The following NUP210 variants were observed in gnomAD, a reference collection of about 807,000 sequenced individuals.
The protein encoded by NUP210 is nucleoporin 210.
Under a neutral mutation model 196.0 loss-of-function variants are expected in NUP210, and 151 were observed. The ratio of observed to expected loss-of-function variants is 0.77; its 90% CI spans 0.67 to 0.88. NUP210 has a LOEUF of 0.88. Ranked by LOEUF, NUP210 falls within the 40% of genes least tolerant of loss-of-function variation. The probability of loss-of-function intolerance (pLI) is 0.00; values close to 1 mark genes in which losing one functional copy is unlikely to be tolerated. For synonymous variants in NUP210, 1,070 were observed against 1,052.7 expected (o/e 1.02, Z -0.32); for missense variants, 2,314 against 2,493.7 (o/e 0.93, Z 1.53).
chr3:13,415,034 T>C (rs1453858046), intron 1 of NUP210, among the ~76,000 whole-genome samples: 3 of 151,924 alleles, frequency 2.0e-5, no homozygotes, highest in Non-Finnish European at 4.4e-5. Context: ...TCAAGAGATC[T>C]AGACCATCCT....
At chr3:13,365,433 G>A (rs529281626) in intron 14 of NUP210, among the ~76,000 whole-genome samples, 28 of 152,326 alleles carry the variant, frequency 1.8e-4, no homozygotes, top group African/African-American at 5.5e-4. Context: ...CTCCGCACAG[G>A]CCGTGGCCAC....
rs773994136 is a variant in NUP210 at position 13,323,480 on chromosome 3, GT to G, written c.4645-49del. 1 of 1,607,128 alleles carries G rather than the reference GT, an allele frequency of 6.2e-7. No individual in the cohort carries two copies. The highest frequency in any genetic ancestry group is 1.1e-5 in the South Asian group (1 of 90,714). ...TTCATGGAGCGCCGCCTGTGTCCCG[GT>G]CCATGCTGGGCGTTTCCACAACCTC... is the stretch of plus-strand genomic sequence containing the variant. On this transcript the variant is annotated intron_variant, in intron 33 of 39. Coordinates refer to ENST00000254508, the MANE Select transcript of NUP210 (RefSeq NM_024923.4). This position sits in a 1 kb window ranked among gnomAD's most constrained non-coding sequence, Gnocchi z 4.3.
chr3:13,418,024 T>C (rs957763070), intron 1 of NUP210, among the ~76,000 whole-genome samples: 2 of 152,164 alleles, frequency 1.3e-5, no homozygotes, highest in Admixed American at 1.3e-4. Context: ...AAGCCAGCTG[T>C]TTTTAATAAC....
At chr3:13,329,679 G>A (rs1162026799) in intron 30 of NUP210, among the ~76,000 whole-genome samples, 2 of 152,242 alleles carry the variant, frequency 1.3e-5, no homozygotes, top group Non-Finnish European at 2.9e-5. Flanking sequence ...GACCCAGGCA[G>A]AGTCTAAAGA....
chr3:13,397,389 A>G lies in NUP210; in HGVS notation c.404T>C (p.Leu135Pro), dbSNP rs752095726. ...GTCCAGGGCCTGGATCTTCAGCTCC[A>G]GGGGGGAGTCCTCCAGGTAGAGCTC... ...TRELYLEDSP[L>P]ELKIQALDSE... Residue 135 changes from leucine to proline, a missense_variant, in exon 3 of 40, where the codon CTG (leucine) becomes CCG (proline). Transcript: ENST00000254508. 3 of 1,611,994 alleles carry G rather than the reference A, an allele frequency of 1.9e-6. No homozygotes were observed. The highest frequency in any genetic ancestry group is 2.2e-5 in the South Asian group (2 of 90,840).
intron 1 of NUP210, among the ~76,000 whole-genome samples, chr3:13,408,527 T>C (rs575506536): frequency 7.2e-5 from 11 of 152,332 alleles, no homozygotes; most frequent in Non-Finnish European, 1.0e-4. Flanking sequence ...CCATGGCTCA[T>C]GCCTATAATC....
intron 8 of NUP210, among the ~76,000 whole-genome samples, chr3:13,378,503 T>A (rs1018307462): frequency 6.6e-6 from 1 of 152,220 alleles, no homozygotes; most frequent in Non-Finnish European, 1.5e-5. Context: ...AATATCATCA[T>A]CATGTTCCTC....
At chr3:13,403,341 C>T (rs1188372462) in intron 1 of NUP210, among the ~76,000 whole-genome samples, 10 of 152,200 alleles carry the variant, frequency 6.6e-5, no homozygotes, top group Non-Finnish European at 1.5e-4. Context: ...CTGCTGTCTT[C>T]CCACTGTTGT....
chr3:13,391,285 A>T lies in NUP210; in HGVS notation c.459T>A (p.Ala153=). The T allele has an allele frequency of 1.2e-6, 2 of 1,611,442 alleles. No individual in the cohort carries two copies. The highest frequency in any genetic ancestry group is 1.7e-6 in the Non-Finnish European group (2 of 1,178,800). ...CAATCGTCCACTCGAAGACCAGTCCAGCCAGAGTGCTGAAGGTGTTCCCTA... is the reference window on the plus strand; with the variant it reads ...CAATCGTCCACTCGAAGACCAGTCCTGCCAGAGTGCTGAAGGTGTTCCCTA... ...DSEGNTFSTL[A]GLVFEWTIVK... The change falls in exon 4 of 40, where the codon GCT becomes GCA. Residue 153 remains alanine, a synonymous_variant. Transcript: ENST00000254508.
intron 3 of NUP210, among the ~76,000 whole-genome samples, chr3:13,394,778 A>G (rs953503215): frequency 1.1e-4 from 17 of 152,232 alleles, no homozygotes; most frequent in Admixed American, 6.5e-4. Context: ...ACATTCATCA[A>G]TACAGATAAG....
chr3:13,327,873 G>A lies in NUP210; in HGVS notation c.4287-436C>T, dbSNP rs190499158. On this transcript the variant is annotated intron_variant, in intron 31 of 39. Transcript: ENST00000254508. ...TCCTCTGAAAAATGGGGATCATCAC[G>A]TGACCGTGACGCAGGCCTGGCATAA... is the stretch of plus-strand genomic sequence containing the variant. Among the ~76,000 whole-genome samples the A allele has an allele frequency of 2.6e-5, 4 of 152,332 alleles. No homozygotes were observed. In the East Asian group the frequency reaches 5.8e-4, roughly 22 times the overall value.
At chr3:13,419,504 T>C (rs1459784551) in intron 1 of NUP210, among the ~76,000 whole-genome samples, 1 of 152,148 alleles carries the variant, frequency 6.6e-6, no homozygotes, top group Non-Finnish European at 1.5e-5. Context: ...AGCGCCGGCC[T>C]GCCTCGTCTC....
At chr3:13,338,287 G>C (rs577063432) in intron 25 of NUP210, among the ~76,000 whole-genome samples, 43 of 152,318 alleles carry the variant, frequency 2.8e-4, no homozygotes, top group African/African-American at 1.0e-3. Context: ...CCCAAATCCA[G>C]CCTGCCTGTC....
intron 33 of NUP210, among the ~76,000 whole-genome samples, chr3:13,324,818 A>ACAG (rs1027154996): frequency 1.5e-4 from 23 of 152,250 alleles, no homozygotes; most frequent in Non-Finnish European, 1.9e-4. Flanking sequence ...TCACCCTGGA[A>ACAG]CAGCAGCAGC....
rs573295321 is a variant in NUP210 at position 13,323,080 on chromosome 3, C to A, written c.4768+229G>T. 6.6e-6 allele frequency among the ~76,000 whole-genome samples: 1 copy of A among 152,316 alleles called. No homozygotes were observed. Among genetic ancestry groups the A allele is most frequent in the African/African-American group, 2.4e-5 (1 of 41,564 alleles). The stretch of plus-strand genomic sequence containing the variant: ...TCACATTTCCAGTGCAGAACAGGCA[C>A]CTTCTGGGAGCTGGGCTCCATTATG... On this transcript the variant is annotated intron_variant, in intron 34 of 39. Transcript: ENST00000254508. This position sits in a 1 kb window ranked among gnomAD's most constrained non-coding sequence, Gnocchi z 4.3.
At chr3:13,361,576 T>C (rs1273171317) in intron 14 of NUP210, among the ~76,000 whole-genome samples, 1 of 152,146 alleles carries the variant, frequency 6.6e-6, no homozygotes, top group Non-Finnish European at 1.5e-5. Flanking sequence ...CCCGCAGTCC[T>C]GCTCCTTGAA....
At position 13,378,941 on chromosome 3, in the gene NUP210, G is replaced by T; in HGVS notation, c.1016C>A (p.Thr339Asn). 1 of 1,614,166 alleles carries T rather than the reference G, an allele frequency of 6.2e-7. No homozygotes were observed. The highest frequency in any genetic ancestry group is 8.5e-7 in the Non-Finnish European group (1 of 1,179,990). The change falls in exon 8 of 40, where the codon ACT (threonine) becomes AAT (asparagine). Residue 339 changes from threonine (T) to asparagine (N), a missense_variant. Coordinates refer to ENST00000254508, the MANE Select transcript of NUP210 (RefSeq NM_024923.4). ...GTATCCAGGTTCGACCACGTAGATA[G>T]TGCTGTTGGGTAACCTAGAAGCACC... ...MQGASRLPNS[T>N]IYVVEPGYLG... is the part of the protein sequence containing the mutation.
In NUP210 at chr3:13,340,121, G is replaced by A; in HGVS notation, c.3292-88C>T. ...CTCAGAGAGCCAGGGCCCCAGTGCA[G>A]GCAGCTTCTGCCTTCTTCTCCCAGT... On this transcript the variant is annotated intron_variant, in intron 24 of 39. Coordinates refer to ENST00000254508, the MANE Select transcript of NUP210 (RefSeq NM_024923.4). The surrounding 1 kb of genome is among the most constrained non-coding windows in gnomAD (Gnocchi z 4.0). 1 of 1,601,470 alleles carries A rather than the reference G, an allele frequency of 6.2e-7. No individual in the cohort carries two copies. The highest frequency in any genetic ancestry group is 1.1e-5 in the South Asian group (1 of 90,220).
intron 1 of NUP210, among the ~76,000 whole-genome samples, chr3:13,411,255 G>C (rs972204667): frequency 3.2e-4 from 49 of 152,226 alleles, no homozygotes; most frequent in African/African-American, 1.1e-3. Flanking sequence ...TACTACTGAA[G>C]TTTTAAAATC....
Sources: allele counts gnomAD v4.1 joint callset (sites outside exome capture counted in the v4.1 genomes callset), GRCh38; gene constraint gnomAD v4.1.1; non-coding constraint Gnocchi (gnomAD v3.1); transcripts MANE v1.5; gene names NCBI Gene and HGNC (gene_info 2026-07-23, HGNC 2026-07-21).